Variants in TBC1D22A observed in about 807,000 individuals in gnomAD.
TBC1D22A encodes putative GTPase activator.
A neutral mutation model predicts 60.2 loss-of-function variants in TBC1D22A; 38 were observed. That is an observed-to-expected ratio of 0.63 (90% CI 0.49 to 0.83). TBC1D22A has a LOEUF of 0.83. Among genes scored for constraint, TBC1D22A ranks in the 40% least tolerant of loss-of-function variants. TBC1D22A has a pLI of 0.00. For synonymous variants in TBC1D22A, 302 were observed against 281.7 expected, an observed-to-expected ratio of 1.07 and a Z score of -0.72; for missense variants, 628 against 701.0, an observed-to-expected ratio of 0.90 and a Z score of 1.18.
At chr22:47,158,930 TCACCATGTACA>T (rs2067829700) in intron 12 of TBC1D22A, among the ~76,000 whole-genome samples, 1 of 151,040 alleles carries the variant, frequency 6.6e-6, no homozygotes, top group Non-Finnish European at 1.5e-5. Context: ...TCACATGCAC[TCACCATGTACA>T]CACACACACA....
intron 11 of TBC1D22A, among the ~76,000 whole-genome samples, chr22:47,107,592 CG>C (rs956755224): frequency 7.2e-5 from 11 of 152,116 alleles, no homozygotes; most frequent in African/African-American, 2.7e-4. Flanking sequence ...TCTGATTAAA[CG>C]AAGAGCTATA....
At chr22:46,817,260 C>CTTTTTTTTTT (rs139583) in intron 4 of TBC1D22A, among the ~76,000 whole-genome samples, 1 of 148,322 alleles carries the variant, frequency 6.7e-6, no homozygotes, top group Non-Finnish European at 1.5e-5. Context: ...CTAGGTTGTC[C>CTTTTTTTTTT]TTTTTTTTTT....
In TBC1D22A at chr22:46,941,651, G is replaced by A. The variant is rs972649813; in HGVS notation, c.1015+29463G>A. Among the ~76,000 whole-genome samples the A allele has an allele frequency of 1.3e-3, 99 of 75,162 alleles. 1 individual carries two copies. Among genetic ancestry groups the A allele is most frequent in the Non-Finnish European group, 2.4e-3 (81 of 33,340 alleles). The allele number at this position is 75,162 out of a possible 152,430, so 49.3% of individuals were successfully genotyped here. ...ATATATATACGCGGAATATATATAC[G>A]GAATATATATACGCGGAATATATAT... On this transcript the variant is annotated intron_variant, in intron 8 of 12. Coordinates refer to ENST00000337137, the MANE Select transcript of TBC1D22A (RefSeq NM_014346.5).
rs371852033 is a variant in TBC1D22A at position 47,150,789 on chromosome 22, T to G, written c.1426-22709T>G. Reference sequence around the variant, plus strand: ...TGCCCCACTCCCACCCCCAGCATCGTCCCCTGCACCCACGGGGCTCCCGTG... The same window carrying G: ...TGCCCCACTCCCACCCCCAGCATCGGCCCCTGCACCCACGGGGCTCCCGTG... On this transcript the variant is annotated intron_variant, in intron 12 of 12. Transcript: ENST00000337137. Among the ~76,000 whole-genome samples the G allele has an allele frequency of 2.2e-4, 34 of 151,892 alleles. No individual in the cohort carries two copies. In the East Asian group the frequency reaches 3.9e-3, roughly 17 times the overall value.
chr22:46,961,837 A>G (rs1441682824), intron 8 of TBC1D22A, among the ~76,000 whole-genome samples: 1 of 152,210 alleles, frequency 6.6e-6, no homozygotes, highest in Non-Finnish European at 1.5e-5. Context: ...AGCGTCAGAG[A>G]GGCATGTGAG....
At chr22:46,913,401 G>T in intron 8 of TBC1D22A, 2 of 1,366,394 alleles carry the variant, frequency 1.5e-6, no homozygotes, top group South Asian at 1.1e-5. Flanking sequence ...AGCCTTACCC[G>T]AGGACAGATG....
At chr22:46,926,035 A>G (rs145838492) in intron 8 of TBC1D22A, among the ~76,000 whole-genome samples, 94 of 152,350 alleles carry the variant, frequency 6.2e-4, no homozygotes, top group African/African-American at 2.2e-3. Context: ...AATGACAAAT[A>G]TGTAGACATT....
At chr22:47,102,647 C>T (rs1302837738) in intron 11 of TBC1D22A, among the ~76,000 whole-genome samples, 4 of 152,264 alleles carry the variant, frequency 2.6e-5, no homozygotes, top group Admixed American at 1.3e-4. Context: ...CTCTGTTTTC[C>T]CCCAGTGCTG....
intron 1 of TBC1D22A, among the ~76,000 whole-genome samples, chr22:46,765,955 TTA>T (rs1302979162): frequency 3.4e-4 from 38 of 113,408 alleles, no homozygotes; most frequent in African/African-American, 1.3e-3. Context: ...CCCAGCTAAT[TTA>T]TGTGTGTGTG....
intron 12 of TBC1D22A, among the ~76,000 whole-genome samples, chr22:47,119,974 C>T (rs1417762981): frequency 1.3e-5 from 2 of 152,108 alleles, no homozygotes; most frequent in Admixed American, 1.3e-4. Context: ...TTCACGGCAC[C>T]CATCCCATTC....
intron 4 of TBC1D22A, among the ~76,000 whole-genome samples, chr22:46,813,971 C>G (rs1178647542): frequency 1.3e-5 from 2 of 152,234 alleles, no homozygotes; most frequent in African/African-American, 4.8e-5. Context: ...CCCTGGTGCT[C>G]CTTCCAGGAG....
chr22:46,764,092 C>T (rs572879590), intron 1 of TBC1D22A: 11 of 150,928 alleles, frequency 7.3e-5, no homozygotes, highest in African/African-American at 2.7e-4. Flanking sequence ...GAAACTCTGT[C>T]TCAAAAAAAA....
chr22:46,847,954 TGCGC>T (rs137955823), intron 4 of TBC1D22A, among the ~76,000 whole-genome samples: 4,644 of 53,850 alleles, frequency 0.086, 114 homozygotes, highest in East Asian at 0.16. Flanking sequence ...TGTGTGTGTG[TGCGC>T]GCGCGCACGC....
chr22:47,071,873 G>T (rs1191766897), intron 11 of TBC1D22A, among the ~76,000 whole-genome samples: 4 of 152,150 alleles, frequency 2.6e-5, no homozygotes, highest in Non-Finnish European at 4.4e-5. Flanking sequence ...GCCTCTCCCT[G>T]GGTTGTGATG....
At chr22:46,911,035 G>C (rs1198954958) in intron 7 of TBC1D22A, among the ~76,000 whole-genome samples, 1 of 152,116 alleles carries the variant, frequency 6.6e-6, no homozygotes, top group African/African-American at 2.4e-5. Flanking sequence ...TGGGGGCTCT[G>C]TCCGTGGGAG....
chr22:47,041,273 C>G (rs2062835424), intron 11 of TBC1D22A, among the ~76,000 whole-genome samples: 1 of 152,240 alleles, frequency 6.6e-6, no homozygotes, highest in Admixed American at 6.5e-5. Context: ...GCCCGCGCTC[C>G]TCACGCAGGG....
At chr22:46,790,370 C>G (rs1245097979) in intron 1 of TBC1D22A, among the ~76,000 whole-genome samples, 1 of 152,228 alleles carries the variant, frequency 6.6e-6, no homozygotes, top group African/African-American at 2.4e-5. Context: ...CCGGATTGCC[C>G]AGGATGGTCT....
intron 5 of TBC1D22A, among the ~76,000 whole-genome samples, chr22:46,889,030 G>T (rs113709118): frequency 6.6e-6 from 1 of 152,116 alleles, no homozygotes; most frequent in Non-Finnish European, 1.5e-5. Flanking sequence ...TAAGATACAG[G>T]AACACTAATT....
At chr22:46,952,240 C>G (rs1234253038) in intron 8 of TBC1D22A, among the ~76,000 whole-genome samples, 1 of 152,210 alleles carries the variant, frequency 6.6e-6, no homozygotes, top group Non-Finnish European at 1.5e-5. Context: ...CCTTCCTGGC[C>G]TTGGCATTCC....
Sources: allele counts gnomAD v4.1 joint callset (sites outside exome capture counted in the v4.1 genomes callset), GRCh38; gene constraint gnomAD v4.1.1; transcripts MANE v1.5; gene names NCBI Gene and HGNC (gene_info 2026-07-23, HGNC 2026-07-21).